The following GRID1 variants were observed in gnomAD, a reference collection of about 807,000 sequenced individuals.
The protein encoded by GRID1 is glutamate ionotropic receptor delta type subunit 1.
Under a neutral mutation model 98.0 loss-of-function variants are expected in GRID1, and 28 were observed. The ratio of observed to expected loss-of-function variants is 0.29; its 90% CI spans 0.21 to 0.39. The LOEUF (loss-of-function observed/expected upper bound fraction) is 0.39. Ranked by LOEUF, GRID1 falls within the 10% of genes least tolerant of loss-of-function variation. The pLI, the probability that GRID1 is intolerant of heterozygous loss-of-function variation, is 1.00. For missense variants in GRID1, 1,111 were observed against 1,340.5 expected (o/e 0.83, Z 2.67); for synonymous variants, 553 against 538.5 (o/e 1.03, Z -0.37).
intron 4 of GRID1, among the ~76,000 whole-genome samples, chr10:85,998,524 A>C (rs1227945851): frequency 6.6e-6 from 1 of 152,128 alleles, no homozygotes. Context: ...AAATACTTAT[A>C]CTAAAAAAAA....
At chr10:85,900,754 G>T (rs909394304) in intron 5 of GRID1, among the ~76,000 whole-genome samples, 7 of 152,182 alleles carry the variant, frequency 4.6e-5, no homozygotes, top group South Asian at 4.1e-4. Flanking sequence ...CTCTGAGGGT[G>T]AGGGACTCAT....
chr10:85,624,984 A>G (rs75878941), intron 13 of GRID1, among the ~76,000 whole-genome samples: 1 of 152,220 alleles, frequency 6.6e-6, no homozygotes, highest in Non-Finnish European at 1.5e-5. Context: ...TAAAGACTTT[A>G]CAAAAACACT....
chr10:86,163,071 A>C (rs993518185), intron 3 of GRID1, among the ~76,000 whole-genome samples: 3 of 152,248 alleles, frequency 2.0e-5, no homozygotes, highest in Admixed American at 6.5e-5. Flanking sequence ...ACTGAGGGCC[A>C]GGATGCTGGA....
chr10:86,083,664 C>A (rs1394303692), intron 4 of GRID1, among the ~76,000 whole-genome samples: 3 of 152,208 alleles, frequency 2.0e-5, no homozygotes. Flanking sequence ...CATTAAATCA[C>A]AAGGAATATA....
intron 4 of GRID1, among the ~76,000 whole-genome samples, chr10:85,929,868 TC>T (rs1203437358): frequency 1.3e-5 from 2 of 152,206 alleles, no homozygotes; most frequent in African/African-American, 4.8e-5. Flanking sequence ...ACTTGGTTGA[TC>T]AACTTTAGCA....
intron 8 of GRID1, among the ~76,000 whole-genome samples, chr10:85,796,142 G>A (rs1221478019): frequency 6.6e-6 from 1 of 152,146 alleles, no homozygotes; most frequent in African/African-American, 2.4e-5. Context: ...GGAGAGAATA[G>A]AGAATAAAGA....
chr10:86,214,243 G>A (rs1230603763), intron 2 of GRID1, among the ~76,000 whole-genome samples: 1 of 152,138 alleles, frequency 6.6e-6, no homozygotes, highest in Non-Finnish European at 1.5e-5. Flanking sequence ...CTGCGTTCCA[G>A]GTAGCAGGCC....
chr10:85,736,944 C>T (rs1267361283), intron 8 of GRID1, among the ~76,000 whole-genome samples: 1 of 152,108 alleles, frequency 6.6e-6, no homozygotes, highest in Non-Finnish European at 1.5e-5. Flanking sequence ...TAAGGTATAA[C>T]TTGAGAGGTC....
At chr10:85,654,082 G>A (rs553153944) in intron 12 of GRID1, among the ~76,000 whole-genome samples, 1 of 152,296 alleles carries the variant, frequency 6.6e-6, no homozygotes, top group South Asian at 2.1e-4. Flanking sequence ...GACCCACAGG[G>A]TGAGGGTTGC....
chr10:86,304,045 G>T (rs763544201), intron 2 of GRID1, among the ~76,000 whole-genome samples: 6 of 152,166 alleles, frequency 3.9e-5, no homozygotes. Context: ...CTTGCAGGCT[G>T]TGAAGCCCCC....
intron 3 of GRID1, among the ~76,000 whole-genome samples, chr10:86,140,511 C>G (rs1844995787): frequency 6.6e-6 from 1 of 152,248 alleles, no homozygotes; most frequent in African/African-American, 2.4e-5. Context: ...AGGCTCACCA[C>G]TAAGCGTAGT....
chr10:86,010,317 C>A (rs898465275), intron 4 of GRID1, among the ~76,000 whole-genome samples: 1 of 152,020 alleles, frequency 6.6e-6, no homozygotes, highest in Non-Finnish European at 1.5e-5. Context: ...GCTATAGCAG[C>A]GAACACAAAC....
chr10:86,321,404 C>T (rs997796620), intron 2 of GRID1, among the ~76,000 whole-genome samples: 17 of 152,264 alleles, frequency 1.1e-4, no homozygotes, highest in African/African-American at 3.1e-4. Flanking sequence ...AACATAAACA[C>T]TTTTTTAAAA....
intron 8 of GRID1, among the ~76,000 whole-genome samples, chr10:85,821,272 C>G (rs982826102): frequency 6.6e-6 from 1 of 151,718 alleles, no homozygotes; most frequent in Non-Finnish European, 1.5e-5. Context: ...AATCCCAGCA[C>G]TTTGGGAGGC....
At chr10:86,132,363 T>C (rs1254534876) in intron 4 of GRID1, among the ~76,000 whole-genome samples, 1 of 152,196 alleles carries the variant, frequency 6.6e-6, no homozygotes, top group Non-Finnish European at 1.5e-5. Context: ...TCCAAGCCCA[T>C]CTGAACAAAA....
intron 8 of GRID1, among the ~76,000 whole-genome samples, chr10:85,816,397 G>A (rs1459824137): frequency 6.6e-6 from 1 of 152,158 alleles, no homozygotes; most frequent in African/African-American, 2.4e-5. Flanking sequence ...AATAGATTTT[G>A]CTAAGTGAAA....
chr10:85,828,111 T>C (rs1842835717), intron 8 of GRID1, among the ~76,000 whole-genome samples: 1 of 151,796 alleles, frequency 6.6e-6, no homozygotes, highest in Non-Finnish European at 1.5e-5. Context: ...GCAATAAAAA[T>C]AGAAATCAAT....
chr10:85,854,258 A>G (rs1307786038), intron 8 of GRID1, among the ~76,000 whole-genome samples: 1 of 151,974 alleles, frequency 6.6e-6, no homozygotes, highest in African/African-American at 2.4e-5. Context: ...GTTACCAGGT[A>G]CCCCTGCTCT....
At chr10:86,317,472 A>ACT (rs1211900779) in intron 2 of GRID1, among the ~76,000 whole-genome samples, 1 of 152,244 alleles carries the variant, frequency 6.6e-6, no homozygotes, top group African/African-American at 2.4e-5. Context: ...TCAATTACCC[A>ACT]CAATTACATC....
Sources: allele counts gnomAD v4.1 joint callset (sites outside exome capture counted in the v4.1 genomes callset), GRCh38; gene constraint gnomAD v4.1.1; transcripts MANE v1.5; gene names NCBI Gene and HGNC (gene_info 2026-07-23, HGNC 2026-07-21).